EPS15L1: variants seen among roughly 807,000 people sequenced by gnomAD.
The protein encoded by EPS15L1 is epidermal growth factor receptor substrate 15-like 1.
In EPS15L1, 43 loss-of-function variants were observed where a neutral mutation model predicts 117.1. That is an observed-to-expected ratio of 0.37 (90% CI 0.29 to 0.47). The LOEUF (loss-of-function observed/expected upper bound fraction) is 0.47, where lower values mean the gene tolerates loss of function less well. Ranked by LOEUF, EPS15L1 falls within the 20% of genes least tolerant of loss-of-function variation. EPS15L1 has a pLI of 0.99. For synonymous variants in EPS15L1, 459 were observed against 470.5 expected, an observed-to-expected ratio of 0.98 and a Z score of 0.32; for missense variants, 981 against 1,164.0, an observed-to-expected ratio of 0.84 and a Z score of 2.29.
In EPS15L1 at chr19:16,420,869, G is replaced by A. The variant is rs765040784; in HGVS notation, c.950+450C>T. 4.6e-5 allele frequency among the ~76,000 whole-genome samples: 7 copies of A among 152,294 alleles called. No individual in the cohort carries two copies. The East Asian group carries it at 5.8e-4, about 13-fold the overall frequency. Reference sequence around the variant, plus strand: ...AGGGTCTCCTTGTGCTCACCCTCCCGCCAGGAGCCAAAGCACTGGCCTTTC... The same window carrying A: ...AGGGTCTCCTTGTGCTCACCCTCCCACCAGGAGCCAAAGCACTGGCCTTTC... On this transcript the variant is annotated intron_variant, in intron 10 of 23. Transcript: ENST00000455140.
intron 4 of EPS15L1, among the ~76,000 whole-genome samples, chr19:16,438,632 C>T (rs894803674): frequency 8.5e-5 from 13 of 152,126 alleles, no homozygotes; most frequent in Non-Finnish European, 1.9e-4. Context: ...TGGGCTCAAG[C>T]GATCCTCCTG....
intron 13 of EPS15L1, among the ~76,000 whole-genome samples, chr19:16,406,754 A>G (rs1444624990): frequency 6.6e-6 from 1 of 152,272 alleles, no homozygotes; most frequent in African/African-American, 2.4e-5. Flanking sequence ...TCCTTCATGC[A>G]CAGAGCAGAG....
In EPS15L1 at chr19:16,370,872, G is replaced by A. The variant is rs550795984; in HGVS notation, c.2380+6250C>T. 9.0e-4 allele frequency among the ~76,000 whole-genome samples: 137 copies of A among 152,272 alleles called. 1 individual carries two copies. The highest frequency in any genetic ancestry group is 1.7e-3 in the Non-Finnish European group (118 of 68,026). ...CAGTGCTGGGGGATGGGGGGCGTGG[G>A]CAGGAAAGAGGGACTCCACCTGGTT... On this transcript the variant is annotated intron_variant, in intron 22 of 23. Coordinates refer to ENST00000455140, the MANE Select transcript of EPS15L1 (RefSeq NM_001258374.3). This position sits in a 1 kb window ranked among gnomAD's most constrained non-coding sequence, Gnocchi z 5.2.
rs1233457480 is a variant in EPS15L1 at position 16,404,816 on chromosome 19, G to A, written c.1267-67C>T. On this transcript the variant is annotated intron_variant, in intron 13 of 23. Coordinates refer to ENST00000455140, the MANE Select transcript of EPS15L1 (RefSeq NM_001258374.3). The surrounding 1 kb of genome is among the most constrained non-coding windows in gnomAD (Gnocchi z 4.2). ...TGAAGCATGTCCAAGATAACGGGGG[G>A]CAGCCTGGGCCAGAAGTCCAGGGGA... The A allele has an allele frequency of 1.3e-6, 2 of 1,563,520 alleles. No homozygotes were observed. The highest frequency in any genetic ancestry group is 1.7e-6 in the Non-Finnish European group (2 of 1,143,838).
intron 1 of EPS15L1, chr19:16,443,364 C>G (rs949914434): frequency 3.9e-5 from 6 of 152,330 alleles, no homozygotes; most frequent in African/African-American, 1.4e-4. Flanking sequence ...TGAACCAATA[C>G]GCACCCACCA....
intron 22 of EPS15L1, among the ~76,000 whole-genome samples, chr19:16,364,885 A>G (rs1326527349): frequency 2.0e-5 from 3 of 152,146 alleles, no homozygotes; most frequent in Non-Finnish European, 2.9e-5. Context: ...CTTCCCTGTG[A>G]GCCAAACCCA....
At chr19:16,401,212 G>A in intron 16 of EPS15L1, 6 of 985,524 alleles carry the variant, frequency 6.1e-6, no homozygotes, top group Non-Finnish European at 7.2e-6. Context: ...CCCAGCGGGG[G>A]CCAGACACAA....
chr19:16,402,510 A>AT, intron 15 of EPS15L1, 25 bp from the exon 16 acceptor site: 1 of 1,561,220 alleles, frequency 6.4e-7, no homozygotes, highest in Non-Finnish European at 8.7e-7. Context: ...CATCATCAGC[A>AT]TTAAGCAGGG....
Position 16,465,709 on chromosome 19 carries a change from G to C in EPS15L1, c.33+6204C>G, listed in dbSNP as rs539598357. On this transcript the variant is annotated intron_variant, in intron 1 of 23. Transcript: ENST00000455140. ...AAGGAAAAAGGAAGACAATAAGCAG[G>C]CCTTTCCATGTCCCTCTCTACCTTT... Among the ~76,000 whole-genome samples the C allele has an allele frequency of 2.0e-5, 3 of 152,148 alleles. No individual in the cohort carries two copies. The East Asian group carries it at 5.8e-4, about 29-fold the overall frequency.
At chr19:16,416,880 C>G (rs2092763317) in intron 12 of EPS15L1, among the ~76,000 whole-genome samples, 1 of 152,116 alleles carries the variant, frequency 6.6e-6, no homozygotes, top group Non-Finnish European at 1.5e-5. Context: ...TTCTTTATAC[C>G]AGACTCTAAA....
At chr19:16,394,040 G>C (rs1359863475) in intron 17 of EPS15L1, 39 bp from the exon 18 acceptor site, 1 of 1,603,178 alleles carries the variant, frequency 6.2e-7, no homozygotes, top group Non-Finnish European at 8.5e-7. Flanking sequence ...TAGCTCTAGG[G>C]CACAGGATGC....
chr19:16,419,270 C>A (rs531560346), intron 10 of EPS15L1, among the ~76,000 whole-genome samples: 7 of 152,262 alleles, frequency 4.6e-5, no homozygotes, highest in Admixed American at 3.3e-4. Flanking sequence ...ACCAGCTTGG[C>A]CAACATGGGG....
chr19:16,466,246 C>T (rs1274891486), intron 1 of EPS15L1, among the ~76,000 whole-genome samples: 1 of 152,114 alleles, frequency 6.6e-6, no homozygotes, highest in African/African-American at 2.4e-5. Context: ...TCCTGGCCTC[C>T]AGTGATCTGC....
At chr19:16,361,080 A>AT (rs1321278973) in intron 23 of EPS15L1, among the ~76,000 whole-genome samples, 2 of 152,112 alleles carry the variant, frequency 1.3e-5, no homozygotes, top group Non-Finnish European at 2.9e-5. Flanking sequence ...AATCTGGAAT[A>AT]TTTTTTCACA....
At chr19:16,464,960 T>C (rs1223783372) in intron 1 of EPS15L1, among the ~76,000 whole-genome samples, 1 of 151,778 alleles carries the variant, frequency 6.6e-6, no homozygotes, top group Admixed American at 6.6e-5. Flanking sequence ...GTGCCTGTAG[T>C]CCCAGCTACG....
At chr19:16,459,622 T>C (rs971004147) in intron 1 of EPS15L1, among the ~76,000 whole-genome samples, 3 of 152,024 alleles carry the variant, frequency 2.0e-5, no homozygotes, top group South Asian at 2.1e-4. Flanking sequence ...AAAATGAGAA[T>C]AGACAGCACC....
chr19:16,377,343 GC>G (rs2092309480), intron 21 of EPS15L1, 89 bp from the exon 22 acceptor site: 1 of 1,492,452 alleles, frequency 6.7e-7, no homozygotes, highest in Non-Finnish European at 9.2e-7. Flanking sequence ...TGCTCCAAGG[GC>G]CCTGGCAAGG....
At chr19:16,362,021 A>T (rs547263458) in intron 22 of EPS15L1, 37 bp from the exon 23 acceptor site, 1 of 1,550,234 alleles carries the variant, frequency 6.5e-7, no homozygotes, top group East Asian at 2.3e-5. Flanking sequence ...GGAGAAAGAA[A>T]GAAATATGAG....
chr19:16,421,784 G>T (rs1225535348), intron 9 of EPS15L1, among the ~76,000 whole-genome samples: 1 of 152,048 alleles, frequency 6.6e-6, no homozygotes, highest in Non-Finnish European at 1.5e-5. Context: ...TGATCTTCAG[G>T]GGATGGGTTC....
Sources: gnomAD v4.1 joint callset for allele counts (sites outside exome capture counted in the v4.1 genomes callset) on GRCh38, gnomAD v4.1.1 for gene constraint, Gnocchi (gnomAD v3.1) non-coding constraint, MANE v1.5 for transcripts, NCBI Gene and HGNC (gene_info 2026-07-23, HGNC 2026-07-21) for gene names.